The following PCDH1 variants were observed in gnomAD, a reference collection of about 807,000 sequenced individuals.
PCDH1 encodes protocadherin-1.
Under a neutral mutation model 74.6 loss-of-function variants are expected in PCDH1, and 23 were observed. That is an observed-to-expected ratio of 0.31 (90% CI 0.22 to 0.44). The LOEUF (loss-of-function observed/expected upper bound fraction) is 0.44, where lower values mean the gene tolerates loss of function less well. Among genes scored for constraint, PCDH1 ranks in the 20% least tolerant of loss-of-function variants. The pLI, the probability that PCDH1 is intolerant of heterozygous loss-of-function variation, is 1.00. For synonymous variants in PCDH1, 647 were observed against 686.1 expected, an observed-to-expected ratio of 0.94 and a Z score of 0.89; for missense variants, 1,214 against 1,641.4, an observed-to-expected ratio of 0.74 and a Z score of 4.50.
At chr5:141,859,125 C>T (rs965597112) in intron 3 of PCDH1, among the ~76,000 whole-genome samples, 3 of 151,990 alleles carry the variant, frequency 2.0e-5, no homozygotes, top group Non-Finnish European at 2.9e-5. Flanking sequence ...TGTTTGGGGC[C>T]GGGAGGCTAT....
chr5:141,855,294 G>A (rs576730570), intron 4 of PCDH1, among the ~76,000 whole-genome samples: 8 of 151,986 alleles, frequency 5.3e-5, no homozygotes, highest in Admixed American at 1.3e-4. Flanking sequence ...TCCTTCCAGC[G>A]TCACCTACCC....
chr5:141,869,582 A>T lies in PCDH1; in HGVS notation c.41-151T>A. The T allele has an allele frequency of 6.5e-7, 1 of 1,535,348 alleles. No homozygotes were observed. Among genetic ancestry groups the T allele is most frequent in the Non-Finnish European group, 8.7e-7 (1 of 1,146,880 alleles). On this transcript the variant is annotated intron_variant, in intron 1 of 4. Transcript: ENST00000287008. The surrounding 1 kb of genome is among the most constrained non-coding windows in gnomAD (Gnocchi z 4.9). ...TCCCAGCACAGAACCCCGATTCCAG[A>T]AACTCAGATCCCTGAATCTCATCCA...
Position 141,853,788 on chromosome 5 carries a change from C to T in PCDH1, c.*254G>A, listed in dbSNP as rs939931533. The T allele has an allele frequency of 2.6e-6, 1 of 386,002 alleles. No individual in the cohort carries two copies. Among genetic ancestry groups the T allele is most frequent in the Non-Finnish European group, 4.6e-6 (1 of 216,216 alleles). 23.9% of individuals were successfully genotyped at this position (386,002 alleles called of 1,614,324 possible). A position where few individuals can be genotyped will look rare whatever the true frequency, so the allele number is the denominator to read the frequency against. ...AAGGAGCCCAGTCATTGCAGAGGAG[C>T]CCTCTTGGGCATCAGATGGGGGAAG... On this transcript the variant is annotated 3_prime_UTR_variant, in exon 5 of 5. Transcript: ENST00000287008.
intron 3 of PCDH1, chr5:141,862,534 G>A (rs1441542411): frequency 7.5e-6 from 5 of 665,714 alleles, no homozygotes; most frequent in Middle Eastern, 7.4e-4. Flanking sequence ...GGCAGGTCTA[G>A]GATGTGGCAA....
intron 2 of PCDH1, among the ~76,000 whole-genome samples, chr5:141,867,987 CATCTATGGGCACCCCAT>C (rs1047479787): frequency 2.0e-5 from 3 of 152,256 alleles, no homozygotes; most frequent in African/African-American, 7.2e-5. Flanking sequence ...AAGCACCCCA[CATCTATGGGCACCCCAT>C]GCCTAGGGGA....
chr5:141,858,522 G>A (rs1044867729), intron 3 of PCDH1, among the ~76,000 whole-genome samples: 2 of 152,146 alleles, frequency 1.3e-5, no homozygotes, highest in East Asian at 1.9e-4. Context: ...ACTGGGGGTC[G>A]GGGGAGTGGA....
intron 4 of PCDH1, among the ~76,000 whole-genome samples, chr5:141,855,333 A>T (rs1319059819): frequency 2.0e-5 from 3 of 151,840 alleles, no homozygotes; most frequent in Non-Finnish European, 4.4e-5. Context: ...CACCCACCAA[A>T]TCTGCCCTCA....
intron 2 of PCDH1, chr5:141,867,385 G>A: frequency 9.0e-6 from 3 of 334,072 alleles, no homozygotes; most frequent in Middle Eastern, 1.1e-3. Flanking sequence ...GGTGGACTCT[G>A]AACTCATTAG....
chr5:141,867,627 A>C (rs1561485707), intron 2 of PCDH1: 1 of 446,550 alleles, frequency 2.2e-6, no homozygotes, highest in Non-Finnish European at 4.5e-6. Context: ...AAAAAAAAAA[A>C]AAAAGGCTGA....
At chr5:141,877,513 C>T (rs1753270880) in intron 1 of PCDH1, among the ~76,000 whole-genome samples, 1 of 152,134 alleles carries the variant, frequency 6.6e-6, no homozygotes, top group Non-Finnish European at 1.5e-5. Flanking sequence ...GTGGCTGTGA[C>T]ACTCGTACAT....
chr5:141,877,083 C>T (rs978048973), intron 1 of PCDH1, among the ~76,000 whole-genome samples: 3 of 152,304 alleles, frequency 2.0e-5, no homozygotes, highest in African/African-American at 7.2e-5. Flanking sequence ...ATTAACGTGG[C>T]GGGGCGCTTG....
At chr5:141,877,732 T>C (rs979988750) in intron 1 of PCDH1, among the ~76,000 whole-genome samples, 2 of 152,132 alleles carry the variant, frequency 1.3e-5, no homozygotes, top group Non-Finnish European at 2.9e-5. Flanking sequence ...TATGTGTGTA[T>C]ATATGTCCAC....
intron 3 of PCDH1, among the ~76,000 whole-genome samples, chr5:141,861,279 A>T (rs559682825): frequency 1.3e-5 from 2 of 152,242 alleles, no homozygotes; most frequent in South Asian, 4.1e-4. Context: ...CCATTTTTTC[A>T]TCAGGGTCTA....
At chr5:141,867,956 C>T (rs1456658519) in intron 2 of PCDH1, among the ~76,000 whole-genome samples, 2 of 152,192 alleles carry the variant, frequency 1.3e-5, no homozygotes, top group South Asian at 2.1e-4. Flanking sequence ...AAATTGACCC[C>T]CCACTGAACC....
chr5:141,868,753 C>T lies in PCDH1; in HGVS notation c.719G>A (p.Arg240His), dbSNP rs199716237. Reference protein sequence around the residue: ...PQLIVMGNLDRERWDSYDLTI... With the variant: ...PQLIVMGNLDHERWDSYDLTI... ...GAGGTCATAGGAGTCCCAGCGCTCA[C>T]GGTCCAGGTTGCCCATCACAATGAG... The change falls in exon 2 of 5, where the codon CGT becomes CAT. Residue 240 changes from arginine (R) to histidine (H), a missense_variant. Around this residue, in one of 4 missense-constraint regions of PCDH1, gnomAD observed 836 missense variants for 1,182.2 expected, o/e 0.71. Transcript: ENST00000287008. This position sits in a 1 kb window ranked among gnomAD's most constrained non-coding sequence, Gnocchi z 4.8. The T allele has an allele frequency of 6.2e-6, 10 of 1,614,192 alleles. No individual in the cohort carries two copies. The highest frequency in any genetic ancestry group is 3.3e-5 in the South Asian group (3 of 91,076).
At chr5:141,861,784 G>A (rs1752574268) in intron 3 of PCDH1, among the ~76,000 whole-genome samples, 1 of 152,066 alleles carries the variant, frequency 6.6e-6, no homozygotes, top group Admixed American at 6.5e-5. Context: ...AGGCCCCTCA[G>A]CCACGATTTA....
At chr5:141,866,318 T>C (rs1170783937) in intron 2 of PCDH1, 2 of 794,660 alleles carry the variant, frequency 2.5e-6, no homozygotes, top group Admixed American at 6.2e-5. Context: ...GGCAGTGGGC[T>C]GGGCTCCCAG....
chr5:141,853,924 C>A lies in PCDH1; in HGVS notation c.*118G>T, dbSNP rs984259080. 2 of 910,330 alleles carry A rather than the reference C, an allele frequency of 2.2e-6. No homozygotes were observed. The highest frequency in any genetic ancestry group is 3.2e-6 in the Non-Finnish European group (2 of 630,744). 56.4% of individuals were successfully genotyped at this position (910,330 alleles called of 1,614,324 possible). A position where few individuals can be genotyped will look rare whatever the true frequency, so the allele number is the denominator to read the frequency against. On this transcript the variant is annotated 3_prime_UTR_variant, in exon 5 of 5. Coordinates refer to ENST00000287008, the MANE Select transcript of PCDH1 (RefSeq NM_032420.5). ...GTGGTCATGAGGTCAGTGATACCCC[C>A]ACTTGGGGCCCTGGCCAGGAAGTCC... is the stretch of plus-strand genomic sequence containing the variant.
intron 3 of PCDH1, among the ~76,000 whole-genome samples, chr5:141,858,535 C>T (rs548260022): frequency 4.0e-4 from 61 of 152,206 alleles, no homozygotes; most frequent in African/African-American, 1.4e-3. Context: ...GGAGTGGAAC[C>T]GTGACAGGCT....
Sources: allele counts gnomAD v4.1 joint callset (sites outside exome capture counted in the v4.1 genomes callset), GRCh38; gene constraint gnomAD v4.1.1; regional missense constraint gnomAD v4.1.1; non-coding constraint Gnocchi (gnomAD v3.1); transcripts MANE v1.5; gene names NCBI Gene and HGNC (gene_info 2026-07-23, HGNC 2026-07-21).